CHD9: variants seen among roughly 807,000 people sequenced by gnomAD.
CHD9 encodes chromodomain helicase DNA binding protein 9, also known as ATP-dependent chromatin remodeler CHD9.
Under a neutral mutation model 316.1 loss-of-function variants are expected in CHD9, and 77 were observed. That is an observed-to-expected ratio of 0.24 (90% CI 0.20 to 0.29). The LOEUF is 0.29. CHD9 is among the 10% of genes least tolerant of loss of function. The probability of loss-of-function intolerance (pLI) is 1.00; values close to 1 mark genes in which losing one functional copy is unlikely to be tolerated. For missense variants in CHD9, 2,763 were observed against 3,438.1 expected, an observed-to-expected ratio of 0.80 and a Z score of 4.91; for synonymous variants, 1,129 against 1,158.3, an observed-to-expected ratio of 0.97 and a Z score of 0.51.
intron 2 of CHD9, among the ~76,000 whole-genome samples, chr16:53,188,288 A>G (rs12931550): frequency 0.2 from 31,064 of 152,210 alleles, 4,323 homozygotes; most frequent in Admixed American, 0.34. Context: ...TGATGCTGCT[A>G]TGAATGTTCC....
intron 1 of CHD9, among the ~76,000 whole-genome samples, chr16:53,094,806 A>T (rs1649337083): frequency 6.6e-6 from 1 of 151,502 alleles, no homozygotes; most frequent in African/African-American, 2.4e-5. Context: ...CACCCCACTA[A>T]TTTTGTATTT....
At chr16:53,282,717 C>A (rs973850792) in intron 24 of CHD9, among the ~76,000 whole-genome samples, 1 of 152,182 alleles carries the variant, frequency 6.6e-6, no homozygotes, top group African/African-American at 2.4e-5. Context: ...CCCAGATGTT[C>A]GCTGATATTC....
chr16:53,257,850 C>CCCG (rs1451469415), intron 19 of CHD9, among the ~76,000 whole-genome samples: 2 of 151,904 alleles, frequency 1.3e-5, no homozygotes, highest in Non-Finnish European at 2.9e-5. Context: ...GTAGATGTAC[C>CCCG]CCGGCTCTAG....
At chr16:53,110,795 C>A (rs1225059251) in intron 1 of CHD9, among the ~76,000 whole-genome samples, 2 of 152,054 alleles carry the variant, frequency 1.3e-5, no homozygotes, top group Admixed American at 1.3e-4. Context: ...TTTTTTAAAA[C>A]CAAAATATTC....
rs748773116 is a variant in CHD9 at position 53,324,941 on chromosome 16, C to A, written c.*46C>A. The A allele has an allele frequency of 6.8e-7, 1 of 1,462,414 alleles. No individual in the cohort carries two copies. Among genetic ancestry groups the A allele is most frequent in the Non-Finnish European group, 9.1e-7 (1 of 1,097,242 alleles). The allele number at this position is 1,462,414 out of a possible 1,614,324, so 90.6% of individuals were successfully genotyped here. On this transcript the variant is annotated 3_prime_UTR_variant, in exon 39 of 39. Coordinates refer to ENST00000447540, the MANE Select transcript of CHD9 (RefSeq NM_001308319.2). The stretch of plus-strand genomic sequence containing the variant: ...AATATGAACTGATTTTGGATTTTTT[C>A]TTTAATAATTAATTGTAAATACCCC...
intron 2 of CHD9, chr16:53,208,272 T>G (rs2046037854): frequency 3.9e-6 from 5 of 1,268,592 alleles, no homozygotes; most frequent in Non-Finnish European, 5.1e-6. Flanking sequence ...GAGCACTGCC[T>G]GGGGTGGTGA....
intron 24 of CHD9, among the ~76,000 whole-genome samples, chr16:53,280,306 CTG>C (rs199954680): frequency 0.033 from 5,071 of 152,094 alleles, 298 homozygotes; most frequent in African/African-American, 0.12. Context: ...GATAAAGAAA[CTG>C]TGGTATATAT....
chr16:53,167,155 A>C (rs908044464), intron 2 of CHD9, among the ~76,000 whole-genome samples: 7 of 152,186 alleles, frequency 4.6e-5, no homozygotes, highest in Non-Finnish European at 7.4e-5. Flanking sequence ...GTCTTTGATT[A>C]TTGAGAAATA....
At chr16:53,300,033 T>A (rs75139158) in intron 30 of CHD9, among the ~76,000 whole-genome samples, 430 of 152,332 alleles carry the variant, frequency 2.8e-3, no homozygotes, top group Non-Finnish European at 5.0e-3. Flanking sequence ...TAAAAGATAA[T>A]TCAAATGGTT....
intron 2 of CHD9, among the ~76,000 whole-genome samples, chr16:53,187,585 G>A (rs2044135834): frequency 6.6e-6 from 1 of 152,062 alleles, no homozygotes; most frequent in South Asian, 2.1e-4. Flanking sequence ...GAGGCATAAT[G>A]AATAAAGAAG....
At chr16:53,184,671 A>G (rs560181246) in intron 2 of CHD9, among the ~76,000 whole-genome samples, 10 of 152,248 alleles carry the variant, frequency 6.6e-5, no homozygotes, top group Admixed American at 5.9e-4. Flanking sequence ...GATGGGTGCC[A>G]TGTAGAAGGC....
intron 2 of CHD9, chr16:53,207,879 A>G (rs2046008222): frequency 5.5e-6 from 1 of 181,956 alleles, no homozygotes. Flanking sequence ...TGGAGGGAAG[A>G]ACAGTCCATT....
chr16:53,301,926 G>A (rs1466581721), intron 30 of CHD9, among the ~76,000 whole-genome samples: 5 of 151,688 alleles, frequency 3.3e-5, no homozygotes, highest in Middle Eastern at 3.4e-3. Context: ...CACCACACCC[G>A]GCTAATTTTT....
At chr16:53,260,929 A>G (rs184922750) in intron 19 of CHD9, among the ~76,000 whole-genome samples, 11 of 152,308 alleles carry the variant, frequency 7.2e-5, no homozygotes, top group Admixed American at 3.3e-4. Flanking sequence ...TAACTTAATC[A>G]TATCTGCAAA....
chr16:53,140,286 A>G (rs1217162287), intron 1 of CHD9, among the ~76,000 whole-genome samples: 3 of 151,960 alleles, frequency 2.0e-5, no homozygotes, highest in Admixed American at 6.6e-5. Context: ...GCAAAACCCC[A>G]TCTCTACTAA....
chr16:53,314,045 G>A (rs1567676707), intron 34 of CHD9, among the ~76,000 whole-genome samples: 1 of 151,868 alleles, frequency 6.6e-6, no homozygotes, highest in African/African-American at 2.4e-5. Flanking sequence ...AAAAAAACAA[G>A]CTTTTGAAAG....
chr16:53,112,780 A>G (rs1378634476), intron 1 of CHD9, among the ~76,000 whole-genome samples: 1 of 152,168 alleles, frequency 6.6e-6, no homozygotes, highest in African/African-American at 2.4e-5. Flanking sequence ...TTGTGAGGCC[A>G]AGGCAGGAGG....
chr16:53,190,809 T>C (rs2044415639), intron 2 of CHD9, among the ~76,000 whole-genome samples: 1 of 152,068 alleles, frequency 6.6e-6, no homozygotes, highest in Non-Finnish European at 1.5e-5. Flanking sequence ...GAAATTAGTA[T>C]AATATAATCT....
In CHD9 at chr16:53,324,855, C is replaced by T; in HGVS notation, c.8654C>T (p.Ser2885Leu). 4 of 1,606,970 alleles carry T rather than the reference C, an allele frequency of 2.5e-6. No homozygotes were observed. Among genetic ancestry groups the T allele is most frequent in the Non-Finnish European group, 3.4e-6 (4 of 1,177,238 alleles). The change falls in exon 39 of 39, where the codon TCG (serine) becomes TTG (leucine). Residue 2885 changes from serine (S) to leucine (L), a missense_variant. Transcript: ENST00000447540. ...ADASSGSDST[S>L]SSSEDSDSSN... Reference sequence around the variant, plus strand: ...GCTTCATCTGGATCTGATAGTACATCGTCGTCATCTGAGGATTCAGATTCT... The same window carrying T: ...GCTTCATCTGGATCTGATAGTACATTGTCGTCATCTGAGGATTCAGATTCT...
Sources: gnomAD v4.1 joint callset for allele counts (sites outside exome capture counted in the v4.1 genomes callset) on GRCh38, gnomAD v4.1.1 for gene constraint, MANE v1.5 for transcripts, NCBI Gene and HGNC (gene_info 2026-07-23, HGNC 2026-07-21) for gene names.